ZNF365: variants seen among roughly 807,000 people sequenced by gnomAD.
ZNF365 encodes the protein protein ZNF365.
A neutral mutation model predicts 35.0 loss-of-function variants in ZNF365; 22 were observed. That is an observed-to-expected ratio of 0.63 (90% CI 0.45 to 0.90). The LOEUF (loss-of-function observed/expected upper bound fraction) is 0.90. Ranked by LOEUF, ZNF365 falls within the 40% of genes least tolerant of loss-of-function variation. The pLI is 0.00. For missense variants in ZNF365, 448 were observed against 500.3 expected (o/e 0.90, Z 1.00); for synonymous variants, 188 against 196.2 (o/e 0.96, Z 0.35).
chr10:62,405,496 C>G (rs1381812121), downstream of ZNF365, among the ~76,000 whole-genome samples: 1 of 152,158 alleles, frequency 6.6e-6, no homozygotes, highest in Non-Finnish European at 1.5e-5. Context: ...GTTCTGCCTC[C>G]TCATTGACAA....
chr10:62,401,758 T>G lies in ZNF365; in HGVS notation c.*1969T>G. The G allele has an allele frequency of 3.0e-6, 3 of 985,542 alleles. No homozygotes were observed. The highest frequency in any genetic ancestry group is 3.6e-6 in the Non-Finnish European group (3 of 829,920). The allele number at this position is 985,542 out of a possible 1,614,324, so 61.0% of individuals were successfully genotyped here. On this transcript the variant is annotated 3_prime_UTR_variant, in exon 5 of 5. Transcript: ENST00000395254. ...GTGTGCAATGACAACTTGTTTCTGT[T>G]TTATTTAAAGTAACTGACATTTTGG...
exon 5 of ZNF365, chr10:62,480,241 C>T: frequency 9.7e-7 from 1 of 1,030,652 alleles, no homozygotes; most frequent in African/African-American, 1.7e-5. Context: ...TAGCTTGGGA[C>T]ATGGCAGGTA....
At chr10:62,451,155 G>A (rs1840678139) in intron 3 of ZNF365, among the ~76,000 whole-genome samples, 6 of 152,212 alleles carry the variant, frequency 3.9e-5, no homozygotes, top group Admixed American at 3.3e-4. Context: ...CGTGTGAGAT[G>A]TAGGGAGGAG....
In ZNF365 at chr10:62,380,470, T is replaced by TATTAGTAA. The variant is rs1237621096; in HGVS notation, c.743+3534_743+3535insATTAGTAA. Reference sequence around the variant, plus strand: ...TTGTTTATGTTATCAGTAAGGCTTCTGGTTAGCAGTAGGCTATTAGGAGTT... The same window carrying TATTAGTAA: ...TTGTTTATGTTATCAGTAAGGCTTCTATTAGTAAGGTTAGCAGTAGGCTATTAGGAGTT... On this transcript the variant is annotated intron_variant, in intron 2 of 4. Transcript: ENST00000395254. Among the ~76,000 whole-genome samples, 3 of 152,252 alleles carry TATTAGTAA rather than the reference T, an allele frequency of 2.0e-5. No homozygotes were observed. In the East Asian group the frequency reaches 5.8e-4, roughly 29 times the overall value.
chr10:62,449,070 G>T (rs1381584886), intron 3 of ZNF365, among the ~76,000 whole-genome samples: 2 of 152,208 alleles, frequency 1.3e-5, no homozygotes, highest in Non-Finnish European at 2.9e-5. Context: ...ATCCATGTGT[G>T]AGAGAAGGGA....
intron 3 of ZNF365, among the ~76,000 whole-genome samples, chr10:62,419,667 AC>A (rs2132446584): frequency 6.6e-6 from 1 of 152,298 alleles, no homozygotes; most frequent in South Asian, 2.1e-4. Context: ...ATTTGCAGCA[AC>A]AGCAAACAGT....
chr10:62,428,220 C>A (rs1327494888), intron 3 of ZNF365, among the ~76,000 whole-genome samples: 1 of 152,188 alleles, frequency 6.6e-6, no homozygotes, highest in African/African-American at 2.4e-5. Flanking sequence ...AAAACACATG[C>A]TGGACCTCAT....
At chr10:62,463,507 A>G (rs1840882075) in intron 4 of ZNF365, among the ~76,000 whole-genome samples, 1 of 152,236 alleles carries the variant, frequency 6.6e-6, no homozygotes, top group Non-Finnish European at 1.5e-5. Flanking sequence ...AAGAGCCGGG[A>G]CAAATATGTG....
intron 3 of ZNF365, among the ~76,000 whole-genome samples, chr10:62,396,972 C>T (rs1438364171): frequency 6.6e-6 from 1 of 152,206 alleles, no homozygotes; most frequent in Non-Finnish European, 1.5e-5. Flanking sequence ...CTGAAGTTCA[C>T]TGAAGGAGCC....
chr10:62,380,612 C>T (rs574189523), intron 2 of ZNF365, among the ~76,000 whole-genome samples: 1 of 152,298 alleles, frequency 6.6e-6, no homozygotes, highest in African/African-American at 2.4e-5. Context: ...TGGTCAGTCT[C>T]ATTGTAAACC....
chr10:62,432,441 A>G (rs761944743), intron 3 of ZNF365, among the ~76,000 whole-genome samples: 15 of 152,190 alleles, frequency 9.9e-5, no homozygotes, highest in Non-Finnish European at 2.1e-4. Flanking sequence ...GGCTGCTCCT[A>G]TAGTTTGAGG....
At chr10:62,454,643 T>C (rs4746123) in intron 3 of ZNF365, among the ~76,000 whole-genome samples, 64,519 of 151,054 alleles carry the variant, frequency 0.43, 16,077 homozygotes, top group Middle Eastern at 0.58. Context: ...TTTTTTTTCT[T>C]TGCTTCTGAT....
At chr10:62,392,921 C>A (rs940339812) in intron 3 of ZNF365, among the ~76,000 whole-genome samples, 3 of 152,194 alleles carry the variant, frequency 2.0e-5, no homozygotes, top group Non-Finnish European at 4.4e-5. Flanking sequence ...CGTGAGCCAC[C>A]GCACCCGGCC....
chr10:62,415,810 G>A (rs1040787188), intron 3 of ZNF365, among the ~76,000 whole-genome samples: 2 of 152,144 alleles, frequency 1.3e-5, no homozygotes, highest in Admixed American at 6.6e-5. Flanking sequence ...GTCTGGGAAA[G>A]TCTTAAATTG....
At chr10:62,379,708 G>T (rs1486783266) in intron 2 of ZNF365, among the ~76,000 whole-genome samples, 1 of 152,134 alleles carries the variant, frequency 6.6e-6, no homozygotes, top group Non-Finnish European at 1.5e-5. Context: ...TGTTAATACT[G>T]GGTTGATTTG....
At chr10:62,380,983 G>A (rs1262322171) in intron 2 of ZNF365, among the ~76,000 whole-genome samples, 1 of 152,186 alleles carries the variant, frequency 6.6e-6, no homozygotes, top group Non-Finnish European at 1.5e-5. Flanking sequence ...TGCTGTGTGA[G>A]GTGTGTGGGG....
intron 3 of ZNF365, among the ~76,000 whole-genome samples, chr10:62,414,150 A>G (rs1165179809): frequency 1.3e-5 from 2 of 152,134 alleles, no homozygotes; most frequent in African/African-American, 4.8e-5. Flanking sequence ...CATTGTTTTT[A>G]GGCTTCTTAG....
At chr10:62,420,767 T>C (rs898905069) in intron 3 of ZNF365, among the ~76,000 whole-genome samples, 1 of 132,262 alleles carries the variant, frequency 7.6e-6, no homozygotes, top group Admixed American at 8.0e-5. Context: ...ATGGTTTCTG[T>C]TTTTCTTGTT....
intron 1 of ZNF365, chr10:62,375,656 T>G (rs1169430052): frequency 6.3e-6 from 1 of 159,222 alleles, no homozygotes; most frequent in Non-Finnish European, 1.4e-5. Context: ...AGTTTTCATA[T>G]GTTCTTGTGT....
Sources: allele counts gnomAD v4.1 joint callset (sites outside exome capture counted in the v4.1 genomes callset), GRCh38; gene constraint gnomAD v4.1.1; transcripts MANE v1.5; gene names NCBI Gene and HGNC (gene_info 2026-07-23, HGNC 2026-07-21).